Variants in PALLD observed in about 807,000 individuals in gnomAD.
The protein encoded by PALLD is palladin, cytoskeletal associated protein, also known as palladin.
PALLD carries 61 observed loss-of-function variants against 123.5 expected under a neutral mutation model. The ratio of observed to expected loss-of-function variants is 0.49; its 90% CI spans 0.40 to 0.61. PALLD has a LOEUF of 0.61. PALLD is among the 20% of genes least tolerant of loss of function. PALLD has a pLI of 0.00. For synonymous variants in PALLD, 465 were observed against 496.4 expected (o/e 0.94, Z 0.84); for missense variants, 1,273 against 1,377.0 (o/e 0.92, Z 1.20).
At chr4:168,545,879 G>T (rs1250738007) in intron 2 of PALLD, among the ~76,000 whole-genome samples, 1 of 152,194 alleles carries the variant, frequency 6.6e-6, no homozygotes, top group African/African-American at 2.4e-5. Context: ...AAGGTGGAAT[G>T]ATCCCTTATG....
intron 2 of PALLD, among the ~76,000 whole-genome samples, chr4:168,639,351 A>ATAGTTTAAACTGGG (rs1338117096): frequency 6.6e-6 from 1 of 152,216 alleles, no homozygotes; most frequent in Non-Finnish European, 1.5e-5. Context: ...TGTTGTCAAA[A>ATAGTTTAAACTGGG]TAGTTTAAAC....
intron 17 of PALLD, 117 bp downstream of exon 17, chr4:168,916,144 G>C: frequency 1.0e-6 from 1 of 1,001,166 alleles, no homozygotes; most frequent in South Asian, 1.3e-5. Context: ...TGGGCACAGT[G>C]GCTCACACCT....
At chr4:168,809,332 TTCTTCTTC>T (rs200745482) in intron 10 of PALLD, among the ~76,000 whole-genome samples, 25,681 of 149,502 alleles carry the variant, frequency 0.17, 2,363 homozygotes, top group South Asian at 0.27. Context: ...CTTCTTCTTC[TTCTTCTTC>T]TTTTTTTTTT....
At chr4:168,581,184 G>A (rs1163004450) in intron 2 of PALLD, among the ~76,000 whole-genome samples, 1 of 151,868 alleles carries the variant, frequency 6.6e-6, no homozygotes, top group Non-Finnish European at 1.5e-5. Context: ...CCAAATCTTG[G>A]CTGTTGTAGA....
intron 2 of PALLD, among the ~76,000 whole-genome samples, chr4:168,548,297 T>A (rs1269281930): frequency 2.0e-5 from 3 of 151,672 alleles, no homozygotes; most frequent in Non-Finnish European, 4.4e-5. Context: ...TCTTCCTTAC[T>A]TTTTTTCAGA....
intron 10 of PALLD, among the ~76,000 whole-genome samples, chr4:168,796,303 C>T (rs1738494366): frequency 6.6e-6 from 1 of 152,098 alleles, no homozygotes; most frequent in Admixed American, 6.6e-5. Context: ...ATTGTTGTAT[C>T]CCCCAAACAT....
chr4:168,791,188 C>T (rs1737471142), intron 10 of PALLD, among the ~76,000 whole-genome samples: 1 of 152,200 alleles, frequency 6.6e-6, no homozygotes, highest in South Asian at 2.1e-4. Flanking sequence ...GCACAGTGAC[C>T]TCTGCCTGGC....
At chr4:168,853,356 T>C (rs28378437) in intron 10 of PALLD, among the ~76,000 whole-genome samples, 5,212 of 152,278 alleles carry the variant, frequency 0.034, 296 homozygotes, top group African/African-American at 0.12. Flanking sequence ...CTCACTCCTC[T>C]GTCAGCATCC....
intron 2 of PALLD, among the ~76,000 whole-genome samples, chr4:168,633,891 C>G (rs960806741): frequency 6.6e-6 from 1 of 152,090 alleles, no homozygotes; most frequent in African/African-American, 2.4e-5. Context: ...AAGGGACATC[C>G]AATACATTTA....
Position 168,914,119 on chromosome 4 carries a change from T to C in PALLD, c.2717+98T>C. 5 of 794,384 alleles carry C rather than the reference T, an allele frequency of 6.3e-6. No homozygotes were observed. The South Asian group carries it at 7.3e-5, about 12-fold the overall frequency. The allele number at this position is 794,384 out of a possible 1,614,324, so 49.2% of individuals were successfully genotyped here. On this transcript the variant is annotated intron_variant, in intron 16 of 21. Coordinates refer to ENST00000505667, the MANE Select transcript of PALLD (RefSeq NM_001166108.2). ...CATCATATGACCACAAAAGTAAACATAACTGGAAGATAGAATAGGAATGCA... is the reference window on the plus strand; with the variant it reads ...CATCATATGACCACAAAAGTAAACACAACTGGAAGATAGAATAGGAATGCA...
intron 2 of PALLD, among the ~76,000 whole-genome samples, chr4:168,530,223 C>T: frequency 6.6e-6 from 1 of 152,126 alleles, no homozygotes; most frequent in East Asian, 1.9e-4. Context: ...GATATTTTAG[C>T]CAACAATCTC....
At chr4:168,502,877 C>T (rs116367477) in intron 1 of PALLD, among the ~76,000 whole-genome samples, 3 of 152,256 alleles carry the variant, frequency 2.0e-5, no homozygotes, top group Non-Finnish European at 4.4e-5. Context: ...GCAGTCCAGG[C>T]CGGGAGACAG....
rs563557363 is a variant in PALLD, at chr4:168,856,269, C to T, written c.1965-34653C>T. 3.3e-5 allele frequency among the ~76,000 whole-genome samples: 5 copies of T among 152,258 alleles called. 1 individual carries two copies. The highest frequency in any genetic ancestry group is 4.1e-4 in the South Asian group (2 of 4,822). ...ATTGATGGCATCTAGGTTGGTTCCA[C>T]GTCTTTGCTGTTGTGAACAGTGCTA... On this transcript the variant is annotated intron_variant, in intron 10 of 21. Transcript: ENST00000505667.
chr4:168,565,661 A>C (rs1309871512), intron 2 of PALLD, among the ~76,000 whole-genome samples: 1 of 151,990 alleles, frequency 6.6e-6, no homozygotes, highest in Non-Finnish European at 1.5e-5. Flanking sequence ...GCAGATTTAC[A>C]CTCCGAGAAG....
Position 168,880,079 on chromosome 4 carries a change from G to A in PALLD, c.1965-10843G>A, listed in dbSNP as rs139986486. On this transcript the variant is annotated intron_variant, in intron 10 of 21. Coordinates refer to ENST00000505667, the MANE Select transcript of PALLD (RefSeq NM_001166108.2). ...TCTTATAGAATTTGATCAAAGATTC[G>A]TTTTTCAAAGGTGGTGATGATTGTG... Among the ~76,000 whole-genome samples, 730 of 152,252 alleles carry A rather than the reference G, an allele frequency of 4.8e-3. 7 individuals are homozygous for A. Among genetic ancestry groups the A allele is most frequent in the Admixed American group, 5.4e-3 (83 of 15,298 alleles).
intron 10 of PALLD, among the ~76,000 whole-genome samples, chr4:168,734,482 C>G (rs1359811192): frequency 6.6e-6 from 1 of 152,002 alleles, no homozygotes; most frequent in East Asian, 1.9e-4. Flanking sequence ...TGGTGCAGCT[C>G]GAAATTGCAC....
chr4:168,497,669 A>C (rs945543255), intron 1 of PALLD, among the ~76,000 whole-genome samples: 5 of 152,250 alleles, frequency 3.3e-5, no homozygotes, highest in African/African-American at 1.2e-4. Flanking sequence ...AAAAGATTCT[A>C]AAAGTAACTC....
At chr4:168,755,187 T>A (rs112806925) in intron 10 of PALLD, among the ~76,000 whole-genome samples, 3 of 147,902 alleles carry the variant, frequency 2.0e-5, no homozygotes, top group East Asian at 4.0e-4. Context: ...GAGCCGAGAT[T>A]GCACCACTGC....
chr4:168,664,233 G>T (rs138350792), intron 2 of PALLD, among the ~76,000 whole-genome samples: 1 of 151,878 alleles, frequency 6.6e-6, no homozygotes, highest in Non-Finnish European at 1.5e-5. Flanking sequence ...CATGGAATTT[G>T]TACTTTAAAA....
Sources: gnomAD v4.1 joint callset for allele counts (sites outside exome capture counted in the v4.1 genomes callset) on GRCh38, gnomAD v4.1.1 for gene constraint, MANE v1.5 for transcripts, NCBI Gene and HGNC (gene_info 2026-07-23, HGNC 2026-07-21) for gene names.